NUP54: variants seen among roughly 807,000 people sequenced by gnomAD.
NUP54 encodes the protein nucleoporin p54.
In NUP54, 27 loss-of-function variants were observed where a neutral mutation model predicts 66.4. The observed-to-expected ratio is 0.41, with a 90% CI of 0.30 to 0.56. The LOEUF (loss-of-function observed/expected upper bound fraction) is 0.56, where lower values mean the gene tolerates loss of function less well. NUP54 is among the 20% of genes least tolerant of loss of function. NUP54 has a pLI of 0.34. For synonymous variants in NUP54, 206 were observed against 210.7 expected, an observed-to-expected ratio of 0.98 and a Z score of 0.19; for missense variants, 486 against 596.3, an observed-to-expected ratio of 0.82 and a Z score of 1.93.
chr4:76,118,391 A>C (rs563984747), intron 9 of NUP54, 197 bp from the exon 10 acceptor site: 1 of 551,450 alleles, frequency 1.8e-6, no homozygotes, highest in Non-Finnish European at 3.2e-6. Context: ...ATATAGACTT[A>C]ATTGTTTTTT....
chr4:76,148,233 G>T, intron 1 of NUP54, 75 bp downstream of exon 1: 1 of 1,031,336 alleles, frequency 9.7e-7, no homozygotes, highest in Non-Finnish European at 1.3e-6. Context: ...TCCCCAGGTC[G>T]GAGAGTCTCG....
chr4:76,119,518 C>T (rs956381710), intron 9 of NUP54, among the ~76,000 whole-genome samples: 1 of 150,956 alleles, frequency 6.6e-6, no homozygotes, highest in African/African-American at 2.4e-5. Flanking sequence ...AGGTGCTCAC[C>T]ACCATGCCTG....
chr4:76,121,996 AATG>A (rs1290364763), intron 9 of NUP54, among the ~76,000 whole-genome samples: 2 of 152,228 alleles, frequency 1.3e-5, no homozygotes, highest in Non-Finnish European at 2.9e-5. Flanking sequence ...AGCAACAAAT[AATG>A]ATGATAATAT....
intron 1 of NUP54, chr4:76,147,496 T>C: frequency 7.8e-7 from 1 of 1,289,608 alleles, no homozygotes; most frequent in Non-Finnish European, 1.0e-6. Flanking sequence ...TGCCAGACTG[T>C]TACCAAAATT....
chr4:76,118,903 G>T (rs1243498563), intron 9 of NUP54, among the ~76,000 whole-genome samples: 2 of 152,002 alleles, frequency 1.3e-5, no homozygotes, highest in Non-Finnish European at 2.9e-5. Flanking sequence ...TACTCGGGAG[G>T]CTGAGGCAGG....
intron 5 of NUP54, among the ~76,000 whole-genome samples, chr4:76,133,034 CAT>C (rs764161916): frequency 2.3e-3 from 330 of 142,740 alleles, no homozygotes; most frequent in Non-Finnish European, 3.5e-3. Flanking sequence ...TGTGTCTATA[CAT>C]AAATATATAT....
intron 9 of NUP54, among the ~76,000 whole-genome samples, chr4:76,120,421 CTTTTTTT>C (rs59098375): frequency 1.7e-4 from 20 of 117,782 alleles, no homozygotes; most frequent in Non-Finnish European, 2.7e-4. Context: ...AAAGGGATCT[CTTTTTTT>C]TTTTTTTTTT....
chr4:76,130,866 A>G (rs1730770665), intron 7 of NUP54, 117 bp from the exon 8 acceptor site: 6 of 701,248 alleles, frequency 8.6e-6, no homozygotes, highest in Non-Finnish European at 1.5e-5. Context: ...GCTCTAAGGC[A>G]GATCTATGAC....
At chr4:76,129,281 T>C (rs961317968) in intron 8 of NUP54, among the ~76,000 whole-genome samples, 4 of 152,020 alleles carry the variant, frequency 2.6e-5, no homozygotes, top group African/African-American at 4.8e-5. Context: ...GGATATGATA[T>C]AATAATAAAA....
At position 76,125,795 on chromosome 4, in the gene NUP54, GA is replaced by G. The variant is rs1165635687; in HGVS notation, c.1057-1040del. On this transcript the variant is annotated intron_variant, in intron 8 of 11. Transcript: ENST00000264883. ...AGAGAGGGAGAGAGGGGGAGAGAGG[GA>G]GAGGGAGAGAGAGGGAGAAGAGGGA... Among the ~76,000 whole-genome samples the G allele has an allele frequency of 3.2e-3, 137 of 43,396 alleles. 6 individuals carry two copies. Among genetic ancestry groups the G allele is most frequent in the East Asian group, 0.012 (8 of 692 alleles). 28.5% of individuals were successfully genotyped at this position (43,396 alleles called of 152,430 possible). A position where few individuals can be genotyped will look rare whatever the true frequency, so the allele number is the denominator to read the frequency against.
intron 9 of NUP54, among the ~76,000 whole-genome samples, chr4:76,122,630 T>C (rs1179178401): frequency 6.6e-6 from 1 of 152,220 alleles, no homozygotes; most frequent in Non-Finnish European, 1.5e-5. Context: ...TACAGTTGCT[T>C]TGGAAAACAG....
At chr4:76,132,816 T>C in intron 5 of NUP54, 97 bp from the exon 6 acceptor site, 1 of 913,230 alleles carries the variant, frequency 1.1e-6, no homozygotes, top group Middle Eastern at 3.1e-4. Flanking sequence ...AGGGTTTAAG[T>C]TGAATTCAGA....
chr4:76,135,044 G>C (rs1263784393), intron 4 of NUP54, among the ~76,000 whole-genome samples: 1 of 152,040 alleles, frequency 6.6e-6, no homozygotes, highest in Non-Finnish European at 1.5e-5. Flanking sequence ...AAGTTGAGGA[G>C]TATCTGTATA....
chr4:76,144,235 G>C lies in NUP54; in HGVS notation c.209C>G (p.Thr70Arg), dbSNP rs964658641. ...ACCTAAACCAGTACTAGTTCCCGTT[G>C]TTGTGCCAAAACCAGTACCAAATCC... ...GFGFGTGFGTTTGTSTGLGTG... is the reference protein window; with the variant it reads ...GFGFGTGFGTRTGTSTGLGTG... Residue 70 changes from threonine to arginine, a missense_variant, in exon 3 of 12, where the codon ACA (threonine) becomes AGA (arginine). Thr to Arg is a moderately conservative substitution (Grantham distance 71, BLOSUM62 -1). Around this residue, in one of 4 missense-constraint regions of NUP54, gnomAD observed 145 missense variants for 137.1 expected, o/e 1.06. Transcript: ENST00000264883. 1 of 1,613,694 alleles carries C rather than the reference G, an allele frequency of 6.2e-7. No homozygotes were observed. Among genetic ancestry groups the C allele is most frequent in the South Asian group, 1.1e-5 (1 of 91,070 alleles).
chr4:76,146,031 GAA>G (rs1250603152), intron 1 of NUP54: 2 of 402,276 alleles, frequency 5.0e-6, no homozygotes, highest in Non-Finnish European at 4.9e-6. Flanking sequence ...CACTTCCATA[GAA>G]TAACTATGAT....
At position 76,118,060 on chromosome 4, in the gene NUP54, C is replaced by G. The variant is rs1578661838; in HGVS notation, c.1284+15G>C. 2 of 1,612,758 alleles carry G rather than the reference C, an allele frequency of 1.2e-6. No individual in the cohort carries two copies. The highest frequency in any genetic ancestry group is 1.7e-5 in the Admixed American group (1 of 59,750). On this transcript the variant is annotated intron_variant, in intron 10 of 11. Coordinates refer to ENST00000264883, the MANE Select transcript of NUP54 (RefSeq NM_017426.4). ...CTGAAACAAATTTTAGAATTATGGT[C>G]TTAGAAGTGGTTACCTTGAACTGAG...
rs1280001766 is a variant in NUP54 at position 76,118,388 on chromosome 4, CTTAA to C, written c.1165-198_1165-195del. ...TATCATATAAATACAATGATATAGA[CTTAA>C]TTGTTTTTTTTGAGACAGGGTCTTG... On this transcript the variant is annotated intron_variant, in intron 9 of 11. Coordinates refer to ENST00000264883, the MANE Select transcript of NUP54 (RefSeq NM_017426.4). 9 of 561,808 alleles carry C rather than the reference CTTAA, an allele frequency of 1.6e-5. No individual in the cohort carries two copies. In the Middle Eastern group the frequency reaches 2.4e-3, roughly 152 times the overall value. 34.8% of individuals were successfully genotyped at this position (561,808 alleles called of 1,614,324 possible). A position where few individuals can be genotyped will look rare whatever the true frequency, so the allele number is the denominator to read the frequency against.
At chr4:76,130,223 C>G (rs1210808526) in intron 8 of NUP54, among the ~76,000 whole-genome samples, 3 of 151,596 alleles carry the variant, frequency 2.0e-5, no homozygotes, top group Non-Finnish European at 4.4e-5. Flanking sequence ...CTCAAGTGAT[C>G]CACCCACCCT....
intron 11 of NUP54, among the ~76,000 whole-genome samples, chr4:76,116,791 T>G (rs1251957219): frequency 6.6e-6 from 1 of 152,184 alleles, no homozygotes; most frequent in Non-Finnish European, 1.5e-5. Flanking sequence ...ATTTTGCATT[T>G]CTAATGACCT....
Sources: gnomAD v4.1 joint callset for allele counts (sites outside exome capture counted in the v4.1 genomes callset) on GRCh38, gnomAD v4.1.1 for gene constraint, gnomAD v4.1.1 regional missense constraint, MANE v1.5 for transcripts, NCBI Gene and HGNC (gene_info 2026-07-23, HGNC 2026-07-21) for gene names.